GRIK2: variants seen among roughly 807,000 people sequenced by gnomAD.
GRIK2 encodes glutamate receptor ionotropic, kainate 2.
Under a neutral mutation model 100.3 loss-of-function variants are expected in GRIK2, and 32 were observed. That is an observed-to-expected ratio of 0.32 (90% CI 0.24 to 0.43). The LOEUF is 0.43. Ranked by LOEUF, GRIK2 falls within the 20% of genes least tolerant of loss-of-function variation. GRIK2 has a pLI of 1.00. For missense variants in GRIK2, 843 were observed against 1,114.9 expected, an observed-to-expected ratio of 0.76 and a Z score of 3.47; for synonymous variants, 417 against 389.4, an observed-to-expected ratio of 1.07 and a Z score of -0.83.
At chr6:101,864,749 A>G (rs991662892) in intron 11 of GRIK2, among the ~76,000 whole-genome samples, 1 of 152,198 alleles carries the variant, frequency 6.6e-6, no homozygotes, top group Non-Finnish European at 1.5e-5. Flanking sequence ...GCTAGTTTAC[A>G]GGATTACTGT....
chr6:101,846,543 AG>A (rs1783823110), intron 10 of GRIK2, among the ~76,000 whole-genome samples: 1 of 152,096 alleles, frequency 6.6e-6, no homozygotes, highest in South Asian at 2.1e-4. Flanking sequence ...ATGGACAAGA[AG>A]GTGTTCCCTC....
intron 14 of GRIK2, among the ~76,000 whole-genome samples, chr6:101,998,653 G>A (rs935480566): frequency 6.6e-6 from 1 of 151,924 alleles, no homozygotes; most frequent in East Asian, 1.9e-4. Flanking sequence ...TTTTGTACAC[G>A]ATAAAGGTAT....
intron 11 of GRIK2, 24 bp from the exon 12 acceptor site, chr6:101,889,616 T>TTTG: frequency 9.6e-7 from 1 of 1,039,138 alleles, no homozygotes; most frequent in South Asian, 2.0e-5. Context: ...TTTTTTTTTT[T>TTTG]TTTTTGTTTG....
chr6:101,719,523 C>A (rs1774323454), intron 7 of GRIK2, among the ~76,000 whole-genome samples: 1 of 151,822 alleles, frequency 6.6e-6, no homozygotes, highest in Non-Finnish European at 1.5e-5. Flanking sequence ...ATCAAATAGG[C>A]TCAGATAAAA....
Position 102,054,741 on chromosome 6 carries a change from G to A in GRIK2, c.2312-589G>A, listed in dbSNP as rs1582796916. Among the ~76,000 whole-genome samples, 5 of 152,182 alleles carry A rather than the reference G, an allele frequency of 3.3e-5. No individual in the cohort carries two copies. The South Asian group carries it at 1.0e-3, about 32-fold the overall frequency. ...GGCTGTATGCCCCTTGATTTATAAA[G>A]TAAATCACCATAATGATTTTTAAAT... On this transcript the variant is annotated intron_variant, in intron 15 of 16. Transcript: ENST00000369134.
chr6:101,573,839 C>A (rs1777669093), intron 2 of GRIK2, among the ~76,000 whole-genome samples: 1 of 151,926 alleles, frequency 6.6e-6, no homozygotes, highest in African/African-American at 2.4e-5. Context: ...AAAGTGACAA[C>A]AAAAGTGGGG....
At chr6:101,524,002 G>A (rs553080398) in intron 2 of GRIK2, among the ~76,000 whole-genome samples, 20 of 152,242 alleles carry the variant, frequency 1.3e-4, no homozygotes, top group South Asian at 6.2e-4. Context: ...GATTACAGGC[G>A]TGAGCCACCA....
intron 2 of GRIK2, among the ~76,000 whole-genome samples, chr6:101,491,658 G>C (rs1048664644): frequency 1.3e-5 from 2 of 151,876 alleles, no homozygotes; most frequent in African/African-American, 2.4e-5. Flanking sequence ...AATGTAAGTT[G>C]TTGACATCAT....
intron 2 of GRIK2, among the ~76,000 whole-genome samples, chr6:101,493,000 A>G (rs1390399112): frequency 3.9e-5 from 6 of 152,004 alleles, no homozygotes; most frequent in Non-Finnish European, 8.8e-5. Context: ...AAAAATATAT[A>G]TAATTTTGAG....
At chr6:101,571,652 A>G (rs1327717418) in intron 2 of GRIK2, among the ~76,000 whole-genome samples, 2 of 152,118 alleles carry the variant, frequency 1.3e-5, no homozygotes, top group East Asian at 3.8e-4. Flanking sequence ...AGCATATATG[A>G]TGATGATGTT....
At chr6:102,000,167 T>A (rs2114255810) in intron 14 of GRIK2, among the ~76,000 whole-genome samples, 1 of 152,190 alleles carries the variant, frequency 6.6e-6, no homozygotes, top group South Asian at 2.1e-4. Flanking sequence ...GTTAAGAATA[T>A]TCTATCCTCA....
At chr6:101,725,504 C>A (rs528500670) in intron 7 of GRIK2, among the ~76,000 whole-genome samples, 16 of 152,056 alleles carry the variant, frequency 1.1e-4, no homozygotes, top group African/African-American at 3.9e-4. Flanking sequence ...CCTTGTATAT[C>A]TGTGGGACAA....
intron 2 of GRIK2, among the ~76,000 whole-genome samples, chr6:101,503,889 G>A (rs758491677): frequency 2.6e-5 from 4 of 152,062 alleles, no homozygotes; most frequent in Non-Finnish European, 4.4e-5. Flanking sequence ...GGAGGTTGTG[G>A]GAAGACAAGG....
At chr6:101,686,591 C>CT (rs1771719067) in intron 7 of GRIK2, among the ~76,000 whole-genome samples, 1 of 152,076 alleles carries the variant, frequency 6.6e-6, no homozygotes, top group Non-Finnish European at 1.5e-5. Flanking sequence ...CACCAGGGTA[C>CT]TACAACATAG....
chr6:101,995,305 C>T (rs1794594127), intron 14 of GRIK2, among the ~76,000 whole-genome samples: 2 of 151,816 alleles, frequency 1.3e-5, no homozygotes, highest in African/African-American at 4.8e-5. Flanking sequence ...GCTGTGTTCC[C>T]TATTAAATTA....
At chr6:101,740,815 C>G (rs1775978577) in intron 7 of GRIK2, among the ~76,000 whole-genome samples, 1 of 152,220 alleles carries the variant, frequency 6.6e-6, no homozygotes, top group Non-Finnish European at 1.5e-5. Flanking sequence ...TAACCTCTAG[C>G]TCTCCTGTTA....
rs761890394 is a variant in GRIK2, at chr6:102,035,505, T to C, written c.2250T>C (p.Cys750=). ...TTIEFVTQRN[C]NLTQIGGLID... ...TCGAGTTTGTTACCCAGCGGAACTGTAACCTGACACAGATTGGCGGCCTTA... is the reference window on the plus strand; with the variant it reads ...TCGAGTTTGTTACCCAGCGGAACTGCAACCTGACACAGATTGGCGGCCTTA... The change falls in exon 15 of 17, where the codon TGT becomes TGC. Residue 750 remains cysteine (C), a synonymous_variant. Coordinates refer to ENST00000369134, the MANE Select transcript of GRIK2 (RefSeq NM_021956.5). 1.2e-6 allele frequency: 2 copies of C among 1,610,210 alleles called. No individual in the cohort carries two copies. Among genetic ancestry groups the C allele is most frequent in the Non-Finnish European group, 1.7e-6 (2 of 1,177,310 alleles).
At chr6:101,833,911 C>T (rs540820699) in intron 10 of GRIK2, among the ~76,000 whole-genome samples, 2 of 152,032 alleles carry the variant, frequency 1.3e-5, no homozygotes, top group Non-Finnish European at 2.9e-5. Context: ...GAACTGGTTT[C>T]AGAGCATTTA....
intron 2 of GRIK2, among the ~76,000 whole-genome samples, chr6:101,499,753 T>C (rs1773651800): frequency 6.6e-6 from 1 of 152,162 alleles, no homozygotes; most frequent in South Asian, 2.1e-4. Context: ...TTATATACTA[T>C]GTTAGGTTTA....
Sources: gnomAD v4.1 joint callset for allele counts (sites outside exome capture counted in the v4.1 genomes callset) on GRCh38, gnomAD v4.1.1 for gene constraint, MANE v1.5 for transcripts, NCBI Gene and HGNC (gene_info 2026-07-23, HGNC 2026-07-21) for gene names.